Variants in LIMS1 observed in about 807,000 individuals in gnomAD.
The protein encoded by LIMS1 is LIM zinc finger domain containing 1.
A neutral mutation model predicts 44.1 loss-of-function variants in LIMS1; 18 were observed. The observed-to-expected ratio is 0.41, with a 90% CI of 0.28 to 0.61. The LOEUF is 0.61. LIMS1 is among the 20% of genes least tolerant of loss of function. The probability of loss-of-function intolerance (pLI) is 0.32; values close to 1 mark genes in which losing one functional copy is unlikely to be tolerated. For missense variants in LIMS1, 201 were observed against 422.0 expected (o/e 0.48, Z 4.59); for synonymous variants, 93 against 149.1 (o/e 0.62, Z 2.74).
At chr2:108,562,933 T>C (rs1685174054) in intron 1 of LIMS1, among the ~76,000 whole-genome samples, 1 of 152,186 alleles carries the variant, frequency 6.6e-6, no homozygotes, top group Admixed American at 6.5e-5. Context: ...CCTAGTGACT[T>C]TAAATTGAAG....
intron 1 of LIMS1, among the ~76,000 whole-genome samples, chr2:108,643,452 C>T (rs370384532): frequency 1.3e-5 from 2 of 152,180 alleles, no homozygotes; most frequent in African/African-American, 2.4e-5. Flanking sequence ...CCATGCACCC[C>T]GGCCCAGATG....
At chr2:108,544,676 G>T (rs2104575165) in intron 1 of LIMS1, among the ~76,000 whole-genome samples, 1 of 152,144 alleles carries the variant, frequency 6.6e-6, no homozygotes, top group South Asian at 2.1e-4. Flanking sequence ...TGTATTTTTA[G>T]TAGAGACGGG....
intron 1 of LIMS1, chr2:108,607,174 G>T: frequency 1.3e-6 from 2 of 1,548,684 alleles, no homozygotes; most frequent in South Asian, 2.4e-5. Context: ...GACACAGTGA[G>T]AGGGTGCCAT....
chr2:108,615,548 T>G (rs1184514695), intron 1 of LIMS1, among the ~76,000 whole-genome samples: 1 of 152,108 alleles, frequency 6.6e-6, no homozygotes, highest in Non-Finnish European at 1.5e-5. Context: ...AGCAGCTTTG[T>G]GACCAAAGAA....
intron 1 of LIMS1, among the ~76,000 whole-genome samples, chr2:108,610,725 C>T (rs1189639527): frequency 2.0e-5 from 3 of 152,188 alleles, no homozygotes; most frequent in Non-Finnish European, 4.4e-5. Context: ...TTTAATAATA[C>T]ATTTGATTGA....
chr2:108,549,438 G>C (rs1231188589), intron 1 of LIMS1, among the ~76,000 whole-genome samples: 6 of 151,764 alleles, frequency 4.0e-5, no homozygotes, highest in Non-Finnish European at 7.4e-5. Flanking sequence ...GGGACTACAG[G>C]CGTGTACCAC....
intron 1 of LIMS1, among the ~76,000 whole-genome samples, chr2:108,571,115 T>C (rs931478664): frequency 2.6e-5 from 4 of 152,214 alleles, no homozygotes; most frequent in Non-Finnish European, 5.9e-5. Context: ...GATGTAAATA[T>C]TATGCACCCT....
At chr2:108,572,980 T>C (rs1685537471) in intron 1 of LIMS1, among the ~76,000 whole-genome samples, 1 of 152,184 alleles carries the variant, frequency 6.6e-6, no homozygotes, top group African/African-American at 2.4e-5. Context: ...TCAGACTGAG[T>C]GTATGCTTGT....
chr2:108,550,539 G>A (rs1471804120), intron 1 of LIMS1, among the ~76,000 whole-genome samples: 1 of 151,142 alleles, frequency 6.6e-6, no homozygotes, highest in African/African-American at 2.4e-5. Flanking sequence ...ATAAAGCCCA[G>A]GCACGGTGGC....
chr2:108,623,072 C>T (rs1688346610), intron 1 of LIMS1, among the ~76,000 whole-genome samples: 1 of 150,244 alleles, frequency 6.7e-6, no homozygotes, highest in Admixed American at 6.7e-5. Flanking sequence ...TATTTTGTCA[C>T]CCATTCTGGT....
chr2:108,544,167 G>A (rs1684408249), intron 1 of LIMS1, among the ~76,000 whole-genome samples: 2 of 152,282 alleles, frequency 1.3e-5, no homozygotes, highest in South Asian at 4.1e-4. Context: ...GAAGACATTA[G>A]GACCAGTCAA....
At chr2:108,533,708 C>T (rs11123706), upstream of LIMS1, 36,845 of 152,522 alleles carry the variant, frequency 0.24, 6,576 homozygotes, top group East Asian at 0.88. Context: ...ACTGCGCCGG[C>T]CCCAAAATTT....
chr2:108,625,469 C>T (rs1340400891), intron 1 of LIMS1, among the ~76,000 whole-genome samples: 2 of 152,174 alleles, frequency 1.3e-5, no homozygotes, highest in African/African-American at 4.8e-5. Flanking sequence ...TCCCTTTTCC[C>T]TGTTCCTTCG....
At chr2:108,609,976 A>G (rs2104749841) in intron 1 of LIMS1, among the ~76,000 whole-genome samples, 1 of 152,166 alleles carries the variant, frequency 6.6e-6, no homozygotes, top group Middle Eastern at 3.4e-3. Context: ...CCCTGTCTCT[A>G]CTAAAAATAC....
intron 1 of LIMS1, among the ~76,000 whole-genome samples, chr2:108,610,737 A>T (rs1687554094): frequency 6.6e-6 from 1 of 152,242 alleles, no homozygotes; most frequent in African/African-American, 2.4e-5. Context: ...TTTGATTGAT[A>T]TGTCTGTTAA....
At chr2:108,661,891 T>C (rs1372530231) in intron 2 of LIMS1, among the ~76,000 whole-genome samples, 1 of 152,148 alleles carries the variant, frequency 6.6e-6, no homozygotes, top group Admixed American at 6.5e-5. Flanking sequence ...TTCTTTTTTT[T>C]CTCTCCTGTA....
Position 108,676,902 on chromosome 2 carries a change from A to G in LIMS1, c.774+204A>G, listed in dbSNP as rs146717627. ...CTGTATGTCTTTCATTCAAGTCCAC[A>G]GTTTGCTTTATCATTTCCCAAGCTC... On this transcript the variant is annotated intron_variant, in intron 7 of 9. Coordinates refer to ENST00000544547, the Ensembl canonical transcript of LIMS1. 1.8e-3 allele frequency: 1,030 copies of G among 566,782 alleles called. 7 individuals carry two copies. The highest frequency in any genetic ancestry group is 0.017 in the African/African-American group (912 of 52,456). 35.1% of individuals were successfully genotyped at this position (566,782 alleles called of 1,614,324 possible).
At chr2:108,542,007 A>G (rs1684332469) in intron 1 of LIMS1, among the ~76,000 whole-genome samples, 1 of 152,236 alleles carries the variant, frequency 6.6e-6, no homozygotes, top group South Asian at 2.1e-4. Flanking sequence ...TGTCTTAATC[A>G]AATTTGTTAA....
At chr2:108,598,983 T>TGGG (rs1272024937) in intron 1 of LIMS1, among the ~76,000 whole-genome samples, 3 of 152,212 alleles carry the variant, frequency 2.0e-5, no homozygotes, top group East Asian at 3.9e-4. Context: ...ATTATTTTAT[T>TGGG]GGGGGGGTGA....
Sources: gnomAD v4.1 joint callset for allele counts (sites outside exome capture counted in the v4.1 genomes callset) on GRCh38, gnomAD v4.1.1 for gene constraint, MANE v1.5 for transcripts, NCBI Gene and HGNC (gene_info 2026-07-23, HGNC 2026-07-21) for gene names.